Variants in PRMT8 observed in about 807,000 individuals in gnomAD.
PRMT8 encodes the protein protein arginine methyltransferase 8.
A neutral mutation model predicts 47.1 loss-of-function variants in PRMT8; 7 were observed. The ratio of observed to expected loss-of-function variants is 0.15; its 90% confidence interval spans 0.08 to 0.28. The LOEUF (loss-of-function observed/expected upper bound fraction) is 0.28, where lower values mean the gene tolerates loss of function less well. PRMT8 is among the 10% of genes least tolerant of loss of function. The probability of loss-of-function intolerance (pLI) is 1.00; values close to 1 mark genes in which losing one functional copy is unlikely to be tolerated. For synonymous variants in PRMT8, 188 were observed against 186.5 expected (o/e 1.01, Z -0.07); for missense variants, 237 against 505.4 (o/e 0.47, Z 5.09).
chr12:3,443,601 C>T (rs57069894), intron 1 of PRMT8, among the ~76,000 whole-genome samples: 11,498 of 152,296 alleles, frequency 0.075, 596 homozygotes, highest in South Asian at 0.19. Context: ...CAGCCTCCTA[C>T]TCAGTCTTCA....
intron 1 of PRMT8, among the ~76,000 whole-genome samples, chr12:3,537,649 G>A (rs1866142112): frequency 6.6e-6 from 1 of 151,916 alleles, no homozygotes. Flanking sequence ...TTTTGTTAAT[G>A]TCACCACCAT....
chr12:3,491,353 G>A lies in PRMT8; in HGVS notation c.-273G>A. 2.6e-6 allele frequency: 3 copies of A among 1,134,632 alleles called. No individual in the cohort carries two copies. Among genetic ancestry groups the A allele is most frequent in the Non-Finnish European group, 3.2e-6 (3 of 925,252 alleles). 70.3% of individuals were successfully genotyped at this position (1,134,632 alleles called of 1,614,324 possible). On this transcript the variant is annotated 5_prime_UTR_variant, in exon 1 of 10. Transcript: ENST00000382622. ...GCTTCCCTCGAGCTTAGCCCGCAGC[G>A]CGGGTGGAGAGGGGCGGGGAGGGGG...
At chr12:3,581,418 C>G (rs189276212) in intron 7 of PRMT8, among the ~76,000 whole-genome samples, 1 of 152,224 alleles carries the variant, frequency 6.6e-6, no homozygotes, top group Non-Finnish European at 1.5e-5. Context: ...GATGCCAGGA[C>G]GTGGACTGAT....
At chr12:3,533,140 A>G (rs916077779) in intron 1 of PRMT8, among the ~76,000 whole-genome samples, 1 of 152,166 alleles carries the variant, frequency 6.6e-6, no homozygotes, top group Non-Finnish European at 1.5e-5. Context: ...CAAATGGGGG[A>G]CAGCCGACCC....
rs995122292 is a variant in PRMT8, at chr12:3,583,660, C to G, written c.979+452C>G. Reference sequence around the variant, plus strand: ...CCTTCCCTTCTCCCTTACTTTCACACCAACCCATCCTTCATTAAATCTCTG... The same window carrying G: ...CCTTCCCTTCTCCCTTACTTTCACAGCAACCCATCCTTCATTAAATCTCTG... On this transcript the variant is annotated intron_variant, in intron 8 of 9. Transcript: ENST00000382622. This position sits in a 1 kb window ranked among gnomAD's most constrained non-coding sequence, Gnocchi z 4.7. Among the ~76,000 whole-genome samples the G allele has an allele frequency of 5.9e-5, 9 of 152,220 alleles. No individual in the cohort carries two copies. Among genetic ancestry groups the G allele is most frequent in the Admixed American group, 1.3e-4 (2 of 15,290 alleles).
At chr12:3,391,560 A>G (rs1358706304) in intron 1 of PRMT8, among the ~76,000 whole-genome samples, 1 of 152,202 alleles carries the variant, frequency 6.6e-6, no homozygotes, top group South Asian at 2.1e-4. Context: ...AGGTTGTGTG[A>G]AATCTTTTAG....
rs930234505 is a variant in PRMT8 at position 3,562,064 on chromosome 12, G to A, written c.482-6642G>A. Among the ~76,000 whole-genome samples the A allele has an allele frequency of 2.5e-4, 38 of 152,214 alleles. 1 individual carries two copies. Among genetic ancestry groups the A allele is most frequent in the African/African-American group, 9.2e-4 (38 of 41,454 alleles). On this transcript the variant is annotated intron_variant, in intron 4 of 9. Coordinates refer to ENST00000382622, the MANE Select transcript of PRMT8 (RefSeq NM_019854.5). The stretch of plus-strand genomic sequence containing the variant: ...CAAACCAGGGCTTCTATCTCCTGGA[G>A]AGCCGGTTGTTAAGTATCTCCAGCA...
chr12:3,455,100 G>A (rs1042907382), intron 1 of PRMT8, among the ~76,000 whole-genome samples: 1 of 152,104 alleles, frequency 6.6e-6, no homozygotes, highest in African/African-American at 2.4e-5. Flanking sequence ...GAGTTTGGGG[G>A]CTCCTCCTAT....
At chr12:3,474,478 C>T (rs1865190064) in intron 1 of PRMT8, among the ~76,000 whole-genome samples, 1 of 152,148 alleles carries the variant, frequency 6.6e-6, no homozygotes, top group African/African-American at 2.4e-5. Context: ...CTGTCTCTTC[C>T]TGTTGGCTTT....
At chr12:3,389,031 C>T (rs776789288) in intron 1 of PRMT8, among the ~76,000 whole-genome samples, 1 of 152,174 alleles carries the variant, frequency 6.6e-6, no homozygotes, top group Non-Finnish European at 1.5e-5. Flanking sequence ...TGCTTGCCAG[C>T]ACCACACTGG....
At chr12:3,530,208 T>C (rs2137152220) in intron 1 of PRMT8, among the ~76,000 whole-genome samples, 1 of 152,232 alleles carries the variant, frequency 6.6e-6, no homozygotes, top group Non-Finnish European at 1.5e-5. Context: ...TCAAGGGAAG[T>C]GAATGCTCTC....
rs561104821 is a variant in PRMT8 at position 3,543,707 on chromosome 12, A to G, written c.261+2916A>G. Among the ~76,000 whole-genome samples, 198 of 152,326 alleles carry G rather than the reference A, an allele frequency of 1.3e-3. 1 individual carries two copies. Among genetic ancestry groups the G allele is most frequent in the Middle Eastern group, 6.8e-3 (2 of 294 alleles). ...CACTTCTGTTCTCATCCCATGCTCC[A>G]TTCAGAGACAACTCTATCCCCAGCC... On this transcript the variant is annotated intron_variant, in intron 2 of 9. Transcript: ENST00000382622.
At position 3,381,433 on chromosome 12, in the gene PRMT8, G is replaced by C. The variant is rs555379835; in HGVS notation, c.39G>C (p.Glu13Asp). The change falls in exon 1 of 10, where the codon GAG becomes GAC. Residue 13 changes from glutamate (E) to aspartate (D), a missense_variant. By Grantham distance (45) the Glu-to-Asp change is conservative. Coordinates refer to the PRMT8 transcript ENST00000452611. ...CTTCAGATGGATTCAAGCTGAAAGA[G>C]GTTTCTTCTGTAAGTCAGCTTGTAT... 1.6e-5 allele frequency: 25 copies of C among 1,536,102 alleles called. No individual in the cohort carries two copies. In the African/African-American group the frequency reaches 3.3e-4, roughly 20 times the overall value.
At chr12:3,407,354 T>C (rs902425538) in intron 1 of PRMT8, among the ~76,000 whole-genome samples, 2 of 143,090 alleles carry the variant, frequency 1.4e-5, no homozygotes, top group African/African-American at 5.6e-5. Flanking sequence ...AGCATTCTAG[T>C]ATTCTTGGCT....
chr12:3,405,975 C>T (rs1864369234), intron 1 of PRMT8, among the ~76,000 whole-genome samples: 1 of 152,248 alleles, frequency 6.6e-6, no homozygotes, highest in Non-Finnish European at 1.5e-5. Flanking sequence ...TTCTGTACTG[C>T]CCTAGCAGAG....
Position 3,535,013 on chromosome 12 carries a change from C to T in PRMT8, c.76-5593C>T, listed in dbSNP as rs749706186. 1.3e-5 allele frequency among the ~76,000 whole-genome samples: 2 copies of T among 152,342 alleles called. No homozygotes were observed. The highest frequency in any genetic ancestry group is 4.8e-5 in the African/African-American group (2 of 41,574). On this transcript the variant is annotated intron_variant, in intron 1 of 9. Transcript: ENST00000382622. The surrounding 1 kb of genome is among the most constrained non-coding windows in gnomAD (Gnocchi z 4.7). ...AAAGTGCTTGGCGCAGCGCCTGGGG[C>T]GCAGTGGGCCCTTAGTCAATGTTAG...
chr12:3,529,690 T>C (rs1462788908), intron 1 of PRMT8, among the ~76,000 whole-genome samples: 1 of 152,158 alleles, frequency 6.6e-6, no homozygotes, highest in African/African-American at 2.4e-5. Flanking sequence ...CTAGATTAAG[T>C]TGGTATGGCT....
intron 4 of PRMT8, 48 bp from the exon 5 acceptor site, chr12:3,568,658 C>A (rs761718285): frequency 1.2e-6 from 2 of 1,610,892 alleles, no homozygotes; most frequent in Admixed American, 1.7e-5. Flanking sequence ...CTTGTGGTTC[C>A]TGGGTGGGGT....
At position 3,540,672 on chromosome 12, in the gene PRMT8, C is replaced by G; in HGVS notation, c.142C>G (p.His48Asp). 1 of 1,517,642 alleles carries G rather than the reference C, an allele frequency of 6.6e-7. No homozygotes were observed. The highest frequency in any genetic ancestry group is 9.0e-7 in the Non-Finnish European group (1 of 1,115,668). 94.0% of individuals were successfully genotyped at this position (1,517,642 alleles called of 1,614,324 possible). The change falls in exon 2 of 10, where the codon CAT (histidine) becomes GAT (aspartate). Residue 48 changes from histidine to aspartate, a missense_variant. By Grantham distance (81) the His-to-Asp change is moderately conservative. This residue lies in a region of PRMT8 where 43 missense variants were observed against 32.4 expected (regional missense o/e 1.33). Coordinates refer to ENST00000382622, the MANE Select transcript of PRMT8 (RefSeq NM_019854.5). ...VPAKPVQCVH[H>D]VSTQPSCPGR... ...TGCTAAGCCCGTGCAATGCGTCCAT[C>G]ATGTGTCCACTCAACCCAGCTGCCC...
Sources: allele counts gnomAD v4.1 joint callset (sites outside exome capture counted in the v4.1 genomes callset), GRCh38; gene constraint gnomAD v4.1.1; regional missense constraint gnomAD v4.1.1; non-coding constraint Gnocchi (gnomAD v3.1); transcripts MANE v1.5; gene names NCBI Gene and HGNC (gene_info 2026-07-23, HGNC 2026-07-21).